The following GRK5 variants were observed in gnomAD, a reference collection of about 807,000 sequenced individuals.
The protein encoded by GRK5 is g protein-coupled receptor kinase GRK5.
GRK5 carries 40 observed loss-of-function variants against 78.4 expected under a neutral mutation model. That is an observed-to-expected ratio of 0.51 (90% confidence interval 0.40 to 0.66). GRK5 has a LOEUF of 0.66. Ranked by LOEUF, GRK5 falls within the 30% of genes least tolerant of loss-of-function variation. The pLI is 0.00. For missense variants in GRK5, 598 were observed against 759.9 expected (o/e 0.79, Z 2.50); for synonymous variants, 289 against 296.8 (o/e 0.97, Z 0.27).
chr10:119,422,244 A>G (rs1852584961), intron 4 of GRK5, among the ~76,000 whole-genome samples: 1 of 152,110 alleles, frequency 6.6e-6, no homozygotes, highest in South Asian at 2.1e-4. Context: ...TGCCTTCCAG[A>G]TGCGGCCGCC....
At position 119,457,031 on chromosome 10, in the gene GRK5, C is replaced by G. The variant is rs556389425; in HGVS notation, c.*1964C>G. The stretch of plus-strand genomic sequence containing the variant: ...AGACCAGCTCTTGTTTTATGAGGCT[C>G]CTTCCATTACCTTTCTTGGGCTGAA... On this transcript the variant is annotated 3_prime_UTR_variant, in exon 16 of 16. Transcript: ENST00000392870. 2.6e-4 allele frequency: 39 copies of G among 152,186 alleles called. No homozygotes were observed. The highest frequency in any genetic ancestry group is 5.2e-4 in the Admixed American group (8 of 15,282). The allele number at this position is 152,186 out of a possible 1,614,324, so 9.4% of individuals were successfully genotyped here.
chr10:119,286,226 ACCACTACAACTCTTAACTATTTCATC>A (rs1422706282), intron 1 of GRK5, among the ~76,000 whole-genome samples: 3 of 152,358 alleles, frequency 2.0e-5, no homozygotes, highest in African/African-American at 7.2e-5. Flanking sequence ...CCCTGCAGCC[ACCACTACAACTCTTAACTATTTCATC>A]AGGGCAATTT....
chr10:119,448,429 G>A (rs1385984816), intron 13 of GRK5, among the ~76,000 whole-genome samples, 169 bp downstream of exon 13: 1 of 152,206 alleles, frequency 6.6e-6, no homozygotes, highest in East Asian at 1.9e-4. Flanking sequence ...TGAACTTCAC[G>A]CCAGGCAGTG....
chr10:119,225,112 G>GA (rs1441261995), intron 1 of GRK5, among the ~76,000 whole-genome samples: 1 of 150,852 alleles, frequency 6.6e-6, no homozygotes, highest in African/African-American at 2.4e-5. Context: ...AAATAAACAG[G>GA]AAAAAAACCC....
At position 119,430,327 on chromosome 10, in the gene GRK5, C is replaced by A; in HGVS notation, c.534-48C>A. 6.5e-7 allele frequency: 1 copy of A among 1,536,216 alleles called. No homozygotes were observed. The highest frequency in any genetic ancestry group is 9.0e-7 in the Non-Finnish European group (1 of 1,110,344). On this transcript the variant is annotated intron_variant, in intron 6 of 15. Coordinates refer to ENST00000392870, the MANE Select transcript of GRK5 (RefSeq NM_005308.3). The surrounding 1 kb of genome is among the most constrained non-coding windows in gnomAD (Gnocchi z 4.5). ...AATGTGCCACTGTTTCCTGTGGATT[C>A]TGAGTCTTGGCACCATGAGACCAGT...
intron 1 of GRK5, 84 bp from the exon 2 acceptor site, chr10:119,326,432 C>T (rs922036915): frequency 2.7e-6 from 3 of 1,115,318 alleles, no homozygotes; most frequent in Non-Finnish European, 4.0e-6. Context: ...GTCTCTCAGC[C>T]CAGGAGGCTG....
At chr10:119,325,496 C>T (rs1355490577) in intron 1 of GRK5, among the ~76,000 whole-genome samples, 1 of 152,096 alleles carries the variant, frequency 6.6e-6, no homozygotes. Context: ...AGCAAGCAGA[C>T]GAGCTACATA....
At chr10:119,245,072 T>C (rs1439330192) in intron 1 of GRK5, among the ~76,000 whole-genome samples, 2 of 152,040 alleles carry the variant, frequency 1.3e-5, no homozygotes, top group Non-Finnish European at 2.9e-5. Flanking sequence ...GGTCAGAAGA[T>C]CAAGACCATC....
intron 1 of GRK5, among the ~76,000 whole-genome samples, chr10:119,229,444 A>C (rs1401655340): frequency 2.0e-5 from 3 of 152,204 alleles, no homozygotes; most frequent in African/African-American, 7.2e-5. Flanking sequence ...TAGAGGCTAG[A>C]TTCCTGTTAT....
At chr10:119,240,963 C>T (rs545365534) in intron 1 of GRK5, among the ~76,000 whole-genome samples, 1 of 152,338 alleles carries the variant, frequency 6.6e-6, no homozygotes, top group African/African-American at 2.4e-5. Flanking sequence ...TGCAGATGCC[C>T]AGGCCAAAGG....
intron 1 of GRK5, among the ~76,000 whole-genome samples, chr10:119,300,338 A>G (rs554380946): frequency 2.3e-4 from 35 of 152,358 alleles, no homozygotes; most frequent in Admixed American, 4.6e-4. Flanking sequence ...CTAAAGGACT[A>G]GCCACAACGT....
chr10:119,449,022 C>T (rs1264623116), intron 13 of GRK5, among the ~76,000 whole-genome samples: 2 of 152,030 alleles, frequency 1.3e-5, no homozygotes, highest in African/African-American at 4.8e-5. Context: ...GCTCCTGCCA[C>T]GCTCCCGCGG....
chr10:119,319,969 G>A (rs1277841514), intron 1 of GRK5, among the ~76,000 whole-genome samples: 1 of 152,236 alleles, frequency 6.6e-6, no homozygotes, highest in Non-Finnish European at 1.5e-5. Flanking sequence ...ACAAGAATTA[G>A]CTGCACCCGC....
chr10:119,230,886 C>G (rs570226413), intron 1 of GRK5, among the ~76,000 whole-genome samples: 1 of 145,510 alleles, frequency 6.9e-6, no homozygotes, highest in Non-Finnish European at 1.5e-5. Context: ...AGAGGAGGCT[C>G]AAAAACTACC....
chr10:119,208,039 C>T, intron 1 of GRK5, 70 bp downstream of exon 1: 1 of 1,460,530 alleles, frequency 6.8e-7, no homozygotes, highest in Non-Finnish European at 9.4e-7. Context: ...GGGTGGCGTG[C>T]GGGCTGGGGC....
At chr10:119,287,411 G>A (rs1023466440) in intron 1 of GRK5, among the ~76,000 whole-genome samples, 4 of 150,452 alleles carry the variant, frequency 2.7e-5, no homozygotes, top group African/African-American at 7.3e-5. Context: ...GAGGAAAGAA[G>A]GGAGAAGGTA....
intron 2 of GRK5, among the ~76,000 whole-genome samples, chr10:119,367,033 T>C (rs1384715462): frequency 1.3e-5 from 2 of 152,214 alleles, no homozygotes; most frequent in South Asian, 2.1e-4. Context: ...GACATGCATG[T>C]AGTGTGCCTA....
At chr10:119,208,053 G>C (rs1848418473) in intron 1 of GRK5, 84 bp downstream of exon 1, 1 of 1,330,358 alleles carries the variant, frequency 7.5e-7, no homozygotes, top group East Asian at 2.6e-5. Flanking sequence ...CTGGGGCTGC[G>C]CCCGTGCAGG....
At chr10:119,419,275 G>A (rs111958824) in intron 4 of GRK5, among the ~76,000 whole-genome samples, 1,782 of 152,316 alleles carry the variant, frequency 0.012, 38 homozygotes, top group African/African-American at 0.039. Context: ...CTTACACGGT[G>A]TATCCGATCT....
Sources: gnomAD v4.1 joint callset for allele counts (sites outside exome capture counted in the v4.1 genomes callset) on GRCh38, gnomAD v4.1.1 for gene constraint, Gnocchi (gnomAD v3.1) non-coding constraint, MANE v1.5 for transcripts, NCBI Gene and HGNC (gene_info 2026-07-23, HGNC 2026-07-21) for gene names.